RORC: variants seen among roughly 807,000 people sequenced by gnomAD.
The protein encoded by RORC is nuclear receptor ROR-gamma.
A neutral mutation model predicts 64.5 loss-of-function variants in RORC; 13 were observed. The ratio of observed to expected loss-of-function variants is 0.20; its 90% CI spans 0.13 to 0.32. The LOEUF (loss-of-function observed/expected upper bound fraction) is 0.32, where lower values mean the gene tolerates loss of function less well. Ranked by LOEUF, RORC falls within the 10% of genes least tolerant of loss-of-function variation. The probability of loss-of-function intolerance (pLI) is 1.00; values close to 1 mark genes in which losing one functional copy is unlikely to be tolerated. For synonymous variants in RORC, 277 were observed against 259.3 expected (o/e 1.07, Z -0.65); for missense variants, 468 against 669.5 (o/e 0.70, Z 3.32).
intron 2 of RORC, among the ~76,000 whole-genome samples, chr1:151,828,859 G>A (rs370012629): frequency 2.0e-5 from 3 of 152,182 alleles, no homozygotes; most frequent in East Asian, 3.9e-4. Flanking sequence ...GGTGCCTGTA[G>A]TCCCAGCTAC....
intron 6 of RORC, chr1:151,814,275 T>C: frequency 3.3e-6 from 1 of 307,018 alleles, no homozygotes; most frequent in Admixed American, 4.6e-5. Context: ...TTATTGTTAT[T>C]GTTGATGGAA....
At chr1:151,826,273 C>A (rs1425301386) in intron 2 of RORC, among the ~76,000 whole-genome samples, 2 of 152,144 alleles carry the variant, frequency 1.3e-5, no homozygotes, top group African/African-American at 4.8e-5. Context: ...AAACCACATG[C>A]GACAGCCACA....
intron 10 of RORC, among the ~76,000 whole-genome samples, chr1:151,808,199 C>T (rs1405675190): frequency 2.6e-5 from 4 of 152,348 alleles, no homozygotes; most frequent in East Asian, 3.9e-4. Context: ...TCCCTGTCTC[C>T]TCTGTACCTA....
intron 7 of RORC, 62 bp from the exon 8 acceptor site, chr1:151,813,408 C>T (rs1406364242): frequency 6.2e-7 from 1 of 1,608,632 alleles, no homozygotes; most frequent in South Asian, 1.1e-5. Context: ...CTGACTCTGT[C>T]CCCCTGATTT....
At chr1:151,826,182 G>T in intron 2 of RORC, 1 of 1,036,220 alleles carries the variant, frequency 9.7e-7, no homozygotes, top group Admixed American at 4.2e-5. Context: ...AGGATGACAG[G>T]CGCCCCACGT....
chr1:151,816,519 G>A (rs139943927), intron 4 of RORC, 145 bp downstream of exon 4: 2 of 828,446 alleles, frequency 2.4e-6, no homozygotes, highest in Non-Finnish European at 3.5e-6. Context: ...TGGAGGGGAG[G>A]AGACAAGGGG....
intron 2 of RORC, chr1:151,825,896 G>C (rs111882199): frequency 0.018 from 28,862 of 1,612,882 alleles, 334 homozygotes; most frequent in Non-Finnish European, 0.021. Flanking sequence ...CAGGGTCCAG[G>C]CTCCCCCGCC....
intron 2 of RORC, 79 bp from the exon 3 acceptor site, chr1:151,817,359 A>C: frequency 1.0e-6 from 1 of 963,372 alleles, no homozygotes; most frequent in Non-Finnish European, 1.7e-6. Flanking sequence ...CTGCAGATAC[A>C]GGTACCTGGT....
intron 2 of RORC, among the ~76,000 whole-genome samples, chr1:151,822,965 C>T (rs749619687): frequency 1.3e-5 from 2 of 152,200 alleles, no homozygotes; most frequent in Non-Finnish European, 1.5e-5. Flanking sequence ...TTTGAGTCAG[C>T]AGCACAGCGG....
chr1:151,820,698 G>T (rs11204894), intron 2 of RORC, among the ~76,000 whole-genome samples: 33,455 of 152,080 alleles, frequency 0.22, 3,923 homozygotes, highest in Admixed American at 0.31. Context: ...GCACCCGCCA[G>T]CTCCTTAAGT....
chr1:151,831,682 C>T (rs750758076), intron 1 of RORC, 43 bp downstream of exon 1: 6 of 1,610,168 alleles, frequency 3.7e-6, no homozygotes, highest in South Asian at 2.2e-5. Context: ...TCTGAACCTC[C>T]AGCAGTCTCT....
In RORC at chr1:151,815,392, C is replaced by G; in HGVS notation, c.332G>C (p.Arg111Thr). 1 of 1,541,872 alleles carries G rather than the reference C, an allele frequency of 6.5e-7. No homozygotes were observed. Among genetic ancestry groups the G allele is most frequent in the Non-Finnish European group, 8.7e-7 (1 of 1,144,674 alleles). ...VKFGRMSKKQ[R>T]DSLHAEVQKQ... ...CTGCACTTCTGCATGCAGGCTGTCC[C>G]TCTGCTTCTTGGACATGCGGCCGAA... Residue 111 changes from arginine to threonine, a missense_variant, in exon 5 of 11, where the codon AGG becomes ACG. This residue lies in a region of RORC where 241 missense variants were observed against 295.5 expected (regional missense o/e 0.82). Transcript: ENST00000318247.
rs1651714876 is a variant in RORC, at chr1:151,815,283, G to A, written c.441C>T (p.Leu147=). 1 of 1,610,604 alleles carries A rather than the reference G, an allele frequency of 6.2e-7. No individual in the cohort carries two copies. The highest frequency in any genetic ancestry group is 8.5e-7 in the Non-Finnish European group (1 of 1,177,784). ...CGTCTGGGAGCCCCAAGGTGTAGGTGAGGGTATCTGCTCCTTGGGCCCCTG... is the reference window on the plus strand; with the variant it reads ...CGTCTGGGAGCCCCAAGGTGTAGGTAAGGGTATCTGCTCCTTGGGCCCCTG... ...PPAGAQGADT[L]TYTLGLPDGQ... is the part of the protein sequence containing the mutation. The change falls in exon 5 of 11, where the codon CTC becomes CTT. Residue 147 remains leucine (L), a synonymous_variant. Coordinates refer to ENST00000318247, the MANE Select transcript of RORC (RefSeq NM_005060.4).
At chr1:151,822,841 C>T (rs1267319401) in intron 2 of RORC, among the ~76,000 whole-genome samples, 1 of 152,256 alleles carries the variant, frequency 6.6e-6, no homozygotes, top group African/African-American at 2.4e-5. Flanking sequence ...ACTGCAGCAG[C>T]AGGCGTGGAG....
In RORC at chr1:151,830,617, G is replaced by T. The variant is rs549718448; in HGVS notation, c.40+1108C>A. 2.8e-4 allele frequency among the ~76,000 whole-genome samples: 8 copies of T among 28,316 alleles called. No individual in the cohort carries two copies. The East Asian group carries it at 6.8e-3, about 24-fold the overall frequency. 18.6% of individuals were successfully genotyped at this position (28,316 alleles called of 152,430 possible). ...CTTCTGCTGTTCAGTCTTGACACCT[G>T]ACATACACACACACACACACACACA... is the stretch of plus-strand genomic sequence containing the variant. On this transcript the variant is annotated intron_variant, in intron 1 of 10. Coordinates refer to ENST00000318247, the MANE Select transcript of RORC (RefSeq NM_005060.4). This position sits in a 1 kb window ranked among gnomAD's most constrained non-coding sequence, Gnocchi z 4.0.
At chr1:151,811,294 T>C in intron 10 of RORC, 31 bp downstream of exon 10, 1 of 1,448,988 alleles carries the variant, frequency 6.9e-7, no homozygotes, top group Non-Finnish European at 9.7e-7. Context: ...GCGATGGGCC[T>C]GGCCTCTTCT....
Position 151,829,726 on chromosome 1 carries a change from C to T in RORC, c.41-268G>A, listed in dbSNP as rs181733839. 2.6e-3 allele frequency among the ~76,000 whole-genome samples: 393 copies of T among 152,350 alleles called. 1 individual carries two copies. Among genetic ancestry groups the T allele is most frequent in the Admixed American group, 4.2e-3 (65 of 15,306 alleles). On this transcript the variant is annotated intron_variant, in intron 1 of 10. Transcript: ENST00000318247. ...CCTTTGCCTAGAATGCCTGTCCCTC[C>T]TGTACCCCTTAATCTAGCCAACTTC...
At chr1:151,814,395 G>A in intron 6 of RORC, 179 bp downstream of exon 6, 1 of 627,014 alleles carries the variant, frequency 1.6e-6, no homozygotes, top group Admixed American at 3.1e-5. Context: ...CATCTGCTGG[G>A]GTGTAGACAG....
Position 151,815,054 on chromosome 1 carries a change from G to T in RORC, c.670C>A (p.Leu224Met), listed in dbSNP as rs748200298. The change falls in exon 5 of 11, where the codon CTG (leucine) becomes ATG (methionine). Residue 224 changes from leucine to methionine, a missense_variant. Physicochemically the swap from Leu to Met is conservative, Grantham distance 15 (BLOSUM62 2). Transcript: ENST00000318247. ...CGAAGTCCACATCGGTCAGGGGTCA[G>T]CTGGCTGCCTGTGCTATAGAAGCTC... ...RESFYSTGSQ[L>M]TPDRCGLRFE... 3.1e-6 allele frequency: 5 copies of T among 1,614,266 alleles called. No individual in the cohort carries two copies. In the South Asian group the frequency reaches 5.5e-5, roughly 18 times the overall value.
Sources: allele counts gnomAD v4.1 joint callset (sites outside exome capture counted in the v4.1 genomes callset), GRCh38; gene constraint gnomAD v4.1.1; regional missense constraint gnomAD v4.1.1; non-coding constraint Gnocchi (gnomAD v3.1); transcripts MANE v1.5; gene names NCBI Gene and HGNC (gene_info 2026-07-23, HGNC 2026-07-21).